The following CBR4 variants were observed in gnomAD, a reference collection of about 807,000 sequenced individuals.
CBR4 encodes carbonyl reductase 4, also known as 3-oxoacyl-[acyl-carrier-protein] reductase.
In CBR4, 22 loss-of-function variants were observed where a neutral mutation model predicts 21.0. The ratio of observed to expected loss-of-function variants is 1.05; its 90% confidence interval spans 0.75 to 1.50. The LOEUF (loss-of-function observed/expected upper bound fraction) is 1.50. CBR4 is among the 40% of genes most tolerant of loss of function. The probability of loss-of-function intolerance (pLI) is 0.00; values close to 1 mark genes in which losing one functional copy is unlikely to be tolerated. For synonymous variants in CBR4, 100 were observed against 104.4 expected, an observed-to-expected ratio of 0.96 and a Z score of 0.26; for missense variants, 302 against 286.3, an observed-to-expected ratio of 1.05 and a Z score of -0.40.
intron 2 of CBR4, among the ~76,000 whole-genome samples, chr4:168,928,948 AG>A (rs2126645885): frequency 6.6e-6 from 1 of 152,284 alleles, no homozygotes; most frequent in East Asian, 1.9e-4. Context: ...ATCCCTTCAA[AG>A]CAGCAGCTAA....
At chr4:168,922,352 T>C (rs1408368446) in intron 2 of CBR4, among the ~76,000 whole-genome samples, 1 of 152,206 alleles carries the variant, frequency 6.6e-6, no homozygotes, top group African/African-American at 2.4e-5. Flanking sequence ...ACCTGATCTC[T>C]TTTAAGAAAG....
intron 3 of CBR4, among the ~76,000 whole-genome samples, chr4:169,003,054 G>A (rs561502575): frequency 3.9e-5 from 6 of 152,238 alleles, no homozygotes; most frequent in Non-Finnish European, 7.4e-5. Context: ...TGTTGTTTTC[G>A]TGCCTGTTAA....
intron 2 of CBR4, among the ~76,000 whole-genome samples, chr4:168,930,157 G>C (rs550397745): frequency 1.1e-4 from 17 of 152,164 alleles, no homozygotes; most frequent in Admixed American, 5.2e-4. Context: ...GTAATTTATA[G>C]GCATTTGTAT....
chr4:168,971,531 G>A (rs1332733375), intron 2 of CBR4, among the ~76,000 whole-genome samples: 1 of 148,522 alleles, frequency 6.7e-6, no homozygotes, highest in East Asian at 2.0e-4. Context: ...CGATCCACCA[G>A]CCTTGGCCTC....
chr4:168,988,323 A>G lies in CBR4; in HGVS notation c.*1827T>C, dbSNP rs1764764128. 3 of 985,164 alleles carry G rather than the reference A, an allele frequency of 3.0e-6. No homozygotes were observed. The highest frequency in any genetic ancestry group is 3.6e-6 in the Non-Finnish European group (3 of 829,646). The allele number at this position is 985,164 out of a possible 1,614,324, so 61.0% of individuals were successfully genotyped here. On this transcript the variant is annotated 3_prime_UTR_variant, in exon 5 of 5. Transcript: ENST00000306193. Reference sequence around the variant, plus strand: ...GTTATATTTCTTATTTTAAAGTATAAAAACATACACTTAAAGGCTAAACCT... The same window carrying G: ...GTTATATTTCTTATTTTAAAGTATAGAAACATACACTTAAAGGCTAAACCT...
intron 2 of CBR4, among the ~76,000 whole-genome samples, chr4:168,957,302 T>C (rs192508365): frequency 1.0e-3 from 155 of 152,144 alleles, no homozygotes; most frequent in South Asian, 2.7e-3. Context: ...GAGTAAAAAA[T>C]CGCTTTGACA....
At chr4:169,000,971 AT>A (rs763137491) in intron 4 of CBR4, among the ~76,000 whole-genome samples, 69 of 150,662 alleles carry the variant, frequency 4.6e-4, no homozygotes, top group Non-Finnish European at 7.3e-4. Context: ...TCTAAAAAGA[AT>A]TTTTTTTTTA....
chr4:168,905,273 C>T (rs555995329), intron 2 of CBR4, among the ~76,000 whole-genome samples: 1 of 148,570 alleles, frequency 6.7e-6, no homozygotes, highest in Non-Finnish European at 1.5e-5. Context: ...GCCTCAGCCT[C>T]CCTAGTAGCT....
intron 2 of CBR4, among the ~76,000 whole-genome samples, chr4:168,955,075 T>C (rs1278687887): frequency 6.6e-6 from 1 of 152,176 alleles, no homozygotes; most frequent in Non-Finnish European, 1.5e-5. Context: ...AACTATCAAA[T>C]CCTACATAGT....
chr4:168,972,855 G>A (rs906882717), intron 2 of CBR4, among the ~76,000 whole-genome samples: 1 of 152,160 alleles, frequency 6.6e-6, no homozygotes, highest in Admixed American at 6.6e-5. Context: ...TCTTGTTTCA[G>A]TTCTTAAAGG....
At chr4:168,921,162 T>A (rs1160974765) in intron 2 of CBR4, among the ~76,000 whole-genome samples, 1 of 151,940 alleles carries the variant, frequency 6.6e-6, no homozygotes, top group Non-Finnish European at 1.5e-5. Flanking sequence ...TCCCAGCACT[T>A]TGGGAGGCTG....
intron 2 of CBR4, among the ~76,000 whole-genome samples, 187 bp from the exon 3 acceptor site, chr4:169,007,078 A>C (rs1730969744): frequency 6.6e-6 from 1 of 152,142 alleles, no homozygotes; most frequent in Non-Finnish European, 1.5e-5. Context: ...GATAAACCAG[A>C]AAGGATCCAC....
intron 2 of CBR4, among the ~76,000 whole-genome samples, chr4:168,981,179 T>G (rs796337486): frequency 3.3e-5 from 5 of 152,108 alleles, no homozygotes; most frequent in African/African-American, 1.2e-4. Context: ...GTGGATGGAT[T>G]GCTTGAGGTC....
intron 4 of CBR4, among the ~76,000 whole-genome samples, chr4:168,995,020 C>CCA (rs1488940939): frequency 1.3e-5 from 2 of 152,148 alleles, no homozygotes. Context: ...TCCCAAAGTA[C>CCA]TGGGATTACA....
chr4:168,993,002 G>A (rs536515264), intron 4 of CBR4, among the ~76,000 whole-genome samples: 3 of 152,270 alleles, frequency 2.0e-5, no homozygotes, highest in South Asian at 4.1e-4. Context: ...TAAGAAGAAT[G>A]AGAAGGCCAG....
intron 2 of CBR4, among the ~76,000 whole-genome samples, chr4:168,942,543 G>A (rs958910379): frequency 9.2e-5 from 14 of 152,064 alleles, no homozygotes; most frequent in Non-Finnish European, 1.6e-4. Context: ...AAAACATTGA[G>A]AAGATGCTTC....
At chr4:168,960,812 C>T (rs1026930331) in intron 2 of CBR4, among the ~76,000 whole-genome samples, 1 of 152,232 alleles carries the variant, frequency 6.6e-6, no homozygotes, top group Non-Finnish European at 1.5e-5. Context: ...GAGAGTACCT[C>T]TTACCAAAAT....
At chr4:168,924,543 GA>G in intron 2 of CBR4, 1 of 1,012,322 alleles carries the variant, frequency 9.9e-7, no homozygotes, top group East Asian at 2.5e-5. Context: ...GATTTTTGAT[GA>G]AATCAATCAA....
intron 2 of CBR4, among the ~76,000 whole-genome samples, chr4:168,964,808 T>A (rs1316013866): frequency 6.6e-6 from 1 of 152,200 alleles, no homozygotes; most frequent in Non-Finnish European, 1.5e-5. Flanking sequence ...ATATTTATTG[T>A]GCAAGTATGT....
Sources: allele counts gnomAD v4.1 joint callset (sites outside exome capture counted in the v4.1 genomes callset), GRCh38; gene constraint gnomAD v4.1.1; transcripts MANE v1.5; gene names NCBI Gene and HGNC (gene_info 2026-07-23, HGNC 2026-07-21).